Variants in SHQ1 observed in about 807,000 individuals in gnomAD.
SHQ1 encodes protein SHQ1 homolog.
SHQ1 carries 49 observed loss-of-function variants against 53.8 expected under a neutral mutation model. The observed-to-expected ratio is 0.91, with a 90% confidence interval of 0.72 to 1.16. SHQ1 has a LOEUF of 1.16. SHQ1 is among the 50% of genes most tolerant of loss of function. SHQ1 has a pLI of 0.00. For synonymous variants in SHQ1, 243 were observed against 251.0 expected (o/e 0.97, Z 0.30); for missense variants, 738 against 683.1 (o/e 1.08, Z -0.90).
intron 9 of SHQ1, among the ~76,000 whole-genome samples, chr3:72,801,143 A>T (rs1351439520): frequency 1.8e-5 from 1 of 55,670 alleles, no homozygotes; most frequent in African/African-American, 6.6e-4. Context: ...TAGAACATTA[A>T]AAAAAAAAAT....
intron 10 of SHQ1, chr3:72,773,049 G>A: frequency 1.1e-6 from 1 of 926,298 alleles, no homozygotes; most frequent in Non-Finnish European, 1.8e-6. Context: ...AAGAAGAAAT[G>A]ACTGAGTCCA....
chr3:72,844,828 T>C (rs1708282664), intron 1 of SHQ1, among the ~76,000 whole-genome samples: 1 of 152,114 alleles, frequency 6.6e-6, no homozygotes, highest in Non-Finnish European at 1.5e-5. Flanking sequence ...TGAGTCACAG[T>C]CAAAAAGCAG....
At chr3:72,759,657 C>T (rs1705570890) in intron 10 of SHQ1, among the ~76,000 whole-genome samples, 1 of 152,164 alleles carries the variant, frequency 6.6e-6, no homozygotes. Context: ...CAGCACTACA[C>T]TCCAGCCTCA....
At chr3:72,746,250 T>C (rs1454248690), downstream of SHQ1, among the ~76,000 whole-genome samples, 1 of 152,180 alleles carries the variant, frequency 6.6e-6, no homozygotes, top group East Asian at 1.9e-4. Context: ...CTGCAAAGTC[T>C]TGGTTTTTCC....
intron 10 of SHQ1, among the ~76,000 whole-genome samples, chr3:72,763,319 C>CA (rs747572803): frequency 1.2e-4 from 18 of 152,148 alleles, no homozygotes; most frequent in Admixed American, 2.0e-4. Flanking sequence ...TCCTACATTT[C>CA]ATCTGTGTGA....
chr3:72,772,484 T>G (rs577172697), intron 10 of SHQ1: 106 of 520,094 alleles, frequency 2.0e-4, no homozygotes, highest in African/African-American at 1.8e-3. Context: ...CAAATGCACA[T>G]ACAGATGCAT....
chr3:72,758,067 C>T (rs137892831), intron 10 of SHQ1, among the ~76,000 whole-genome samples: 225 of 152,192 alleles, frequency 1.5e-3, no homozygotes, highest in African/African-American at 5.3e-3. Context: ...GTTCCTTGGC[C>T]CAAAACACAT....
intron 6 of SHQ1, among the ~76,000 whole-genome samples, chr3:72,824,051 G>A (rs534999958): frequency 2.0e-5 from 3 of 152,052 alleles, no homozygotes; most frequent in East Asian, 1.9e-4. Context: ...CCCCCCGCCC[G>A]TTACTAATAC....
At chr3:72,842,945 T>C (rs1708220440) in intron 2 of SHQ1, among the ~76,000 whole-genome samples, 1 of 151,902 alleles carries the variant, frequency 6.6e-6, no homozygotes, top group African/African-American at 2.4e-5. Context: ...AGTGGTGGCA[T>C]GTGCACCTGT....
chr3:72,810,949 AAC>A lies in SHQ1; in HGVS notation c.1060+1720_1060+1721del, dbSNP rs572144795. Among the ~76,000 whole-genome samples, 5 of 152,358 alleles carry A rather than the reference AAC, an allele frequency of 3.3e-5. 1 individual carries two copies. In the South Asian group the frequency reaches 1.0e-3, roughly 32 times the overall value. On this transcript the variant is annotated intron_variant, in intron 9 of 10. Coordinates refer to ENST00000325599, the MANE Select transcript of SHQ1 (RefSeq NM_018130.3). ...ACTTCAAGTTTTATGTTACTATCAT[AAC>A]ACAGCTGATAAAACTATTTCTTGTC...
intron 9 of SHQ1, among the ~76,000 whole-genome samples, chr3:72,812,232 A>G (rs1460277122): frequency 6.6e-6 from 1 of 152,176 alleles, no homozygotes; most frequent in African/African-American, 2.4e-5. Context: ...CTCCCAGCAG[A>G]GTACTTTTCA....
intron 9 of SHQ1, among the ~76,000 whole-genome samples, chr3:72,797,168 G>C (rs532468420): frequency 5.3e-5 from 8 of 152,154 alleles, no homozygotes; most frequent in African/African-American, 1.9e-4. Context: ...TGAGGCGAGA[G>C]AATCACTTAA....
chr3:72,834,887 T>C (rs1305213949), intron 4 of SHQ1, among the ~76,000 whole-genome samples: 1 of 152,154 alleles, frequency 6.6e-6, no homozygotes, highest in Non-Finnish European at 1.5e-5. Flanking sequence ...CTTCCTGTGC[T>C]ATAACAAATT....
chr3:72,794,691 T>A (rs770857545), intron 9 of SHQ1: 1 of 152,264 alleles, frequency 6.6e-6, no homozygotes, highest in East Asian at 1.9e-4. Flanking sequence ...GTCTCTTCCC[T>A]GCATATGTTC....
chr3:72,837,686 G>A (rs545118659), intron 4 of SHQ1, among the ~76,000 whole-genome samples: 2 of 152,250 alleles, frequency 1.3e-5, no homozygotes, highest in South Asian at 4.1e-4. Context: ...AATTAGAAAA[G>A]ATGTTCTAAA....
chr3:72,820,256 C>G (rs3772972), intron 6 of SHQ1, among the ~76,000 whole-genome samples: 8,364 of 152,202 alleles, frequency 0.055, 575 homozygotes, highest in East Asian at 0.22. Context: ...GTAAGTATTT[C>G]TACATTAGTC....
intron 2 of SHQ1, 93 bp downstream of exon 2, chr3:72,844,266 A>G (rs1708264122): frequency 9.6e-7 from 1 of 1,042,950 alleles, no homozygotes; most frequent in Non-Finnish European, 1.5e-6. Flanking sequence ...TTTGAAAGAC[A>G]TCAAAAGGTC....
chr3:72,814,514 TTC>T (rs1215957476), intron 8 of SHQ1: 3 of 152,200 alleles, frequency 2.0e-5, no homozygotes, highest in East Asian at 3.8e-4. Flanking sequence ...AGTAGTAAGA[TTC>T]TATATGAAGT....
In SHQ1 at chr3:72,848,242, G is replaced by C. The variant is rs372394572; in HGVS notation, c.99C>G (p.Phe33Leu). ...YARVSEFDVY[F>L]EGSDFKFYAK... Reference sequence around the variant, plus strand: ...CGTAGAACTTGAAGTCAGACCCCTCGAAGTAGACGTCGAACTCGGAGACCC... The same window carrying C: ...CGTAGAACTTGAAGTCAGACCCCTCCAAGTAGACGTCGAACTCGGAGACCC... Residue 33 changes from phenylalanine (F) to leucine (L), a missense_variant, in exon 1 of 11, where the codon TTC becomes TTG. Coordinates refer to ENST00000325599, the MANE Select transcript of SHQ1 (RefSeq NM_018130.3). The C allele has an allele frequency of 3.7e-6, 6 of 1,614,064 alleles. No homozygotes were observed. The African/African-American group carries it at 5.3e-5, about 14-fold the overall frequency.
Sources: gnomAD v4.1 joint callset for allele counts (sites outside exome capture counted in the v4.1 genomes callset) on GRCh38, gnomAD v4.1.1 for gene constraint, MANE v1.5 for transcripts, NCBI Gene and HGNC (gene_info 2026-07-23, HGNC 2026-07-21) for gene names.